Variants in SELPLG observed in about 807,000 individuals in gnomAD.
The protein encoded by SELPLG is P-selectin glycoprotein ligand 1.
A neutral mutation model predicts 1.1 loss-of-function variants in SELPLG; 2 were observed. The observed-to-expected ratio is 1.82, with a 90% confidence interval of 0.74 to 5.71. SELPLG has a LOEUF of 5.71. SELPLG is among the 30% of genes most tolerant of loss of function. The probability of loss-of-function intolerance (pLI) is 0.05; values close to 1 mark genes in which losing one functional copy is unlikely to be tolerated. For synonymous variants in SELPLG, 230 were observed against 221.2 expected (o/e 1.04, Z -0.35); for missense variants, 478 against 524.7 (o/e 0.91, Z 0.87).
chr12:108,622,955 A>G lies in SELPLG; in HGVS notation c.*114T>C. 2 of 1,150,432 alleles carry G rather than the reference A, an allele frequency of 1.7e-6. No homozygotes were observed. Among genetic ancestry groups the G allele is most frequent in the Non-Finnish European group, 2.3e-6 (2 of 851,214 alleles). The allele number at this position is 1,150,432 out of a possible 1,614,324, so 71.3% of individuals were successfully genotyped here. On this transcript the variant is annotated 3_prime_UTR_variant, in exon 2 of 2. Coordinates refer to ENST00000550948, the MANE Select transcript of SELPLG (RefSeq NM_003006.4). ...CAGAGTTCCTTCCCTGAAGATCCCC[A>G]TCCCCAGGGGTCTCCGAGGAAGCCC... is the stretch of plus-strand genomic sequence containing the variant.
intron 1 of SELPLG, among the ~76,000 whole-genome samples, chr12:108,626,859 G>A (rs1217814078): frequency 6.6e-6 from 1 of 152,142 alleles, no homozygotes; most frequent in East Asian, 1.9e-4. Context: ...AATCCCAACT[G>A]TTTGAGAAGC....
At chr12:108,631,383 A>G (rs546354626) in intron 1 of SELPLG, among the ~76,000 whole-genome samples, 2 of 152,038 alleles carry the variant, frequency 1.3e-5, no homozygotes, top group East Asian at 3.9e-4. Context: ...CCAAGTAGCT[A>G]GGACTACAGG....
chr12:108,628,326 C>T (rs1340681442), intron 1 of SELPLG, among the ~76,000 whole-genome samples: 4 of 86,478 alleles, frequency 4.6e-5, no homozygotes, highest in African/African-American at 1.5e-4. Context: ...GTAACACACA[C>T]ACACACACAC....
chr12:108,627,600 A>T (rs2031959415), intron 1 of SELPLG, among the ~76,000 whole-genome samples: 1 of 152,230 alleles, frequency 6.6e-6, no homozygotes. Flanking sequence ...AACAGTGCCC[A>T]TCTCACAGGG....
At chr12:108,629,804 C>G (rs8179122) in intron 1 of SELPLG, among the ~76,000 whole-genome samples, 65 of 152,278 alleles carry the variant, frequency 4.3e-4, no homozygotes, top group African/African-American at 1.5e-3. Flanking sequence ...GGGGGAGGAG[C>G]TGAGTTTTCT....
intron 1 of SELPLG, among the ~76,000 whole-genome samples, chr12:108,625,828 C>T (rs958144379): frequency 2.0e-5 from 3 of 152,170 alleles, no homozygotes; most frequent in Non-Finnish European, 2.9e-5. Flanking sequence ...GCTGAGAATC[C>T]TATGGTGAGT....
chr12:108,631,664 A>C (rs1460160499), intron 1 of SELPLG, among the ~76,000 whole-genome samples: 1 of 150,956 alleles, frequency 6.6e-6, no homozygotes, highest in African/African-American at 2.4e-5. Flanking sequence ...CCTACCCTCC[A>C]CCCCACCAAG....
Position 108,623,112 on chromosome 12 carries a change from T to G in SELPLG, c.1196A>C (p.Asp399Ala). ...CAGGGTGAGGTCATCCCCCTCACGG[T>G]CCTCCCTGGGCTCTGGCGTCAGGCC... ...SPGLTPEPRE[D>A]REGDDLTLHS... The change falls in exon 2 of 2, where the codon GAC (aspartate) becomes GCC (alanine). Residue 399 changes from aspartate to alanine, a missense_variant. Physicochemically the swap from Asp to Ala is moderately radical, Grantham distance 126. Transcript: ENST00000550948. The G allele has an allele frequency of 1.3e-6, 2 of 1,550,946 alleles. No individual in the cohort carries two copies. The highest frequency in any genetic ancestry group is 1.7e-6 in the Non-Finnish European group (2 of 1,150,294).
Position 108,623,922 on chromosome 12 carries a change from G to C in SELPLG, c.386C>G (p.Thr129Arg). The stretch of plus-strand genomic sequence containing the variant: ...CACTGGTTGAGTGGTCTGTGCCTCC[G>C]TGGCTGCTGGTTGAGTGGTCTGTAT... ...MEIQTTQPAATEAQTTQPVPT... is the reference protein window; with the variant it reads ...MEIQTTQPAAREAQTTQPVPT... Residue 129 changes from threonine to arginine, a missense_variant, in exon 2 of 2, where the codon ACG becomes AGG. Thr to Arg is a moderately conservative substitution (Grantham distance 71). Coordinates refer to ENST00000550948, the MANE Select transcript of SELPLG (RefSeq NM_003006.4). 1 of 1,569,306 alleles carries C rather than the reference G, an allele frequency of 6.4e-7. No individual in the cohort carries two copies. The highest frequency in any genetic ancestry group is 8.6e-7 in the Non-Finnish European group (1 of 1,156,740).
intron 1 of SELPLG, chr12:108,632,122 G>C: frequency 1.7e-6 from 1 of 596,148 alleles, no homozygotes; most frequent in Non-Finnish European, 3.0e-6. Context: ...GCCCAGCCTA[G>C]CAACCCAGCC....
Position 108,622,603 on chromosome 12 carries a change from T to C in SELPLG, c.*466A>G, listed in dbSNP as rs775643038. On this transcript the variant is annotated 3_prime_UTR_variant, in exon 2 of 2. Coordinates refer to ENST00000550948, the MANE Select transcript of SELPLG (RefSeq NM_003006.4). ...CCGTCACTCTTCAGTACTCCTCCCT[T>C]AGAATGTCCACTTCCTGTTTGGTGA... 6.3e-6 allele frequency: 1 copy of C among 158,312 alleles called. No individual in the cohort carries two copies. The highest frequency in any genetic ancestry group is 2.4e-5 in the African/African-American group (1 of 41,496). The allele number at this position is 158,312 out of a possible 1,614,324, so 9.8% of individuals were successfully genotyped here.
At chr12:108,627,849 G>A (rs1445972104) in intron 1 of SELPLG, among the ~76,000 whole-genome samples, 4 of 152,188 alleles carry the variant, frequency 2.6e-5, no homozygotes, top group Non-Finnish European at 5.9e-5. Context: ...CAAGGCAGGT[G>A]GATTGCTTGA....
At chr12:108,626,134 T>C (rs1565889421) in intron 1 of SELPLG, among the ~76,000 whole-genome samples, 3 of 147,918 alleles carry the variant, frequency 2.0e-5, no homozygotes, top group Admixed American at 6.7e-5. Context: ...TTTTCTTTTT[T>C]TTTTTTTTTT....
chr12:108,624,364 T>C, intron 1 of SELPLG, 52 bp from the exon 2 acceptor site: 1 of 1,554,606 alleles, frequency 6.4e-7, no homozygotes, highest in Non-Finnish European at 8.7e-7. Context: ...ACCCTTGGGC[T>C]TAGCAAGCAC....
chr12:108,622,934 G>C lies in SELPLG; in HGVS notation c.*135C>G, dbSNP rs990615454. ...CTCTTGTCCTGTTTGGGTGGCCAGAGTTCCTTCCCTGAAGATCCCCATCCC... is the reference window on the plus strand; with the variant it reads ...CTCTTGTCCTGTTTGGGTGGCCAGACTTCCTTCCCTGAAGATCCCCATCCC... On this transcript the variant is annotated 3_prime_UTR_variant, in exon 2 of 2. Transcript: ENST00000550948. 1.0e-6 allele frequency: 1 copy of C among 960,320 alleles called. No homozygotes were observed. Among genetic ancestry groups the C allele is most frequent in the South Asian group, 2.1e-5 (1 of 46,722 alleles). 59.5% of individuals were successfully genotyped at this position (960,320 alleles called of 1,614,324 possible). A position where few individuals can be genotyped will look rare whatever the true frequency, so the allele number is the denominator to read the frequency against.
At chr12:108,633,319 A>G (rs1378570378) in intron 1 of SELPLG, among the ~76,000 whole-genome samples, 1 of 152,186 alleles carries the variant, frequency 6.6e-6, no homozygotes, top group African/African-American at 2.4e-5. Context: ...TCGGCATCAA[A>G]GTGAGACCCC....
intron 1 of SELPLG, among the ~76,000 whole-genome samples, chr12:108,627,098 C>T (rs994522616): frequency 3.3e-5 from 5 of 152,210 alleles, no homozygotes; most frequent in Non-Finnish European, 5.9e-5. Context: ...GAGCAAAACT[C>T]TGTCTAAAAA....
intron 1 of SELPLG, among the ~76,000 whole-genome samples, chr12:108,629,653 C>T (rs769200310): frequency 2.6e-5 from 4 of 152,134 alleles, no homozygotes; most frequent in African/African-American, 9.7e-5. Context: ...CTGCAGTGAG[C>T]TATGATCGCA....
At position 108,623,375 on chromosome 12, in the gene SELPLG, G is replaced by C; in HGVS notation, c.933C>G (p.Ala311=). 1 of 1,614,266 alleles carries C rather than the reference G, an allele frequency of 6.2e-7. No individual in the cohort carries two copies. Among genetic ancestry groups the C allele is most frequent in the Non-Finnish European group, 8.5e-7 (1 of 1,180,042 alleles). ...ACTGCTTCACAGAGATGTGGTCTGGGGCCCCCACTGGGTAGTTGACGGACA... is the reference window on the plus strand; with the variant it reads ...ACTGCTTCACAGAGATGTGGTCTGGCGCCCCCACTGGGTAGTTGACGGACA... ...SNLSVNYPVG[A]PDHISVKQCL... is the part of the protein sequence containing the mutation. The change falls in exon 2 of 2, where the codon GCC becomes GCG. Residue 311 remains alanine, a synonymous_variant. Transcript: ENST00000550948.
Sources: allele counts gnomAD v4.1 joint callset (sites outside exome capture counted in the v4.1 genomes callset), GRCh38; gene constraint gnomAD v4.1.1; transcripts MANE v1.5; gene names NCBI Gene and HGNC (gene_info 2026-07-23, HGNC 2026-07-21).